The following CNBD1 variants were observed in gnomAD, a reference collection of about 807,000 sequenced individuals.
CNBD1 encodes cyclic nucleotide-binding domain-containing protein 1.
CNBD1 carries 71 observed loss-of-function variants against 54.4 expected under a neutral mutation model. That is an observed-to-expected ratio of 1.30 (90% CI 1.08 to 1.59). The LOEUF (loss-of-function observed/expected upper bound fraction) is 1.59, where lower values mean the gene tolerates loss of function less well. CNBD1 is among the 40% of genes most tolerant of loss of function. CNBD1 has a pLI of 0.00. For missense variants in CNBD1, 659 were observed against 518.0 expected (o/e 1.27, Z -2.64); for synonymous variants, 182 against 170.7 (o/e 1.07, Z -0.51).
chr8:87,092,125 A>G (rs888488100), intron 4 of CNBD1, among the ~76,000 whole-genome samples: 2 of 152,196 alleles, frequency 1.3e-5, no homozygotes, highest in Non-Finnish European at 2.9e-5. Flanking sequence ...AGAAATAGTC[A>G]GGATAGAAAT....
intron 4 of CNBD1, among the ~76,000 whole-genome samples, chr8:87,094,173 C>G (rs184268460): frequency 6.6e-6 from 1 of 152,252 alleles, no homozygotes; most frequent in Non-Finnish European, 1.5e-5. Flanking sequence ...AGCAAACAGA[C>G]TAAAGGCTTA....
At chr8:87,009,550 T>C (rs1260379387) in intron 4 of CNBD1, among the ~76,000 whole-genome samples, 1 of 152,082 alleles carries the variant, frequency 6.6e-6, no homozygotes, top group Non-Finnish European at 1.5e-5. Flanking sequence ...TCTGCCCACC[T>C]CAGCCTCTCA....
intron 4 of CNBD1, among the ~76,000 whole-genome samples, chr8:87,125,053 G>T (rs1388073393): frequency 6.6e-6 from 1 of 151,558 alleles, no homozygotes; most frequent in Non-Finnish European, 1.5e-5. Context: ...ATTTACAATA[G>T]CAACAAAAAT....
intron 10 of CNBD1, among the ~76,000 whole-genome samples, chr8:87,375,328 G>C (rs1277917432): frequency 6.6e-6 from 1 of 151,820 alleles, no homozygotes; most frequent in Admixed American, 6.6e-5. Context: ...TTAACACAGA[G>C]AGAGGTAAGT....
chr8:87,300,754 G>T (rs1808971706), intron 8 of CNBD1, among the ~76,000 whole-genome samples: 1 of 151,856 alleles, frequency 6.6e-6, no homozygotes, highest in Admixed American at 6.6e-5. Context: ...GGAGGGTGAA[G>T]GCCTCTTATT....
chr8:87,379,008 A>T (rs13268563), intron 10 of CNBD1, among the ~76,000 whole-genome samples: 44,253 of 141,772 alleles, frequency 0.31, 7,274 homozygotes, highest in Middle Eastern at 0.41. Flanking sequence ...TGATTTTGTA[A>T]ACTGAGACTT....
chr8:87,381,255 T>A (rs999689144), intron 10 of CNBD1, among the ~76,000 whole-genome samples: 5 of 152,024 alleles, frequency 3.3e-5, no homozygotes, highest in African/African-American at 1.2e-4. Context: ...AAAAAAGACA[T>A]ACAAATGGCC....
chr8:87,145,058 A>G (rs1812454804), intron 4 of CNBD1, among the ~76,000 whole-genome samples: 2 of 152,202 alleles, frequency 1.3e-5, no homozygotes, highest in Non-Finnish European at 2.9e-5. Context: ...ATTTGCAAAT[A>G]TAATGGGTGA....
intron 2 of CNBD1, among the ~76,000 whole-genome samples, chr8:87,402,504 G>T (rs1269202515): frequency 6.6e-6 from 1 of 151,986 alleles, no homozygotes; most frequent in Non-Finnish European, 1.5e-5. Context: ...TTTTGAATAG[G>T]TTTTCTTTTA....
intron 5 of CNBD1, among the ~76,000 whole-genome samples, chr8:87,225,532 T>A (rs1160024746): frequency 6.6e-6 from 1 of 151,088 alleles, no homozygotes; most frequent in Non-Finnish European, 1.5e-5. Flanking sequence ...GTTTATATGC[T>A]GGATTACATT....
chr8:87,342,040 G>A lies in CNBD1; in HGVS notation c.1043-9645G>A, dbSNP rs375222887. On this transcript the variant is annotated intron_variant, in intron 8 of 10. Coordinates refer to ENST00000518476, the MANE Select transcript of CNBD1 (RefSeq NM_173538.3). Reference sequence around the variant, plus strand: ...TGTAATCCTAGCACTTTGGGAGGCCGAGGCGGGCAGATCACAAGGTCAGGA... The same window carrying A: ...TGTAATCCTAGCACTTTGGGAGGCCAAGGCGGGCAGATCACAAGGTCAGGA... Among the ~76,000 whole-genome samples, 10 of 152,258 alleles carry A rather than the reference G, an allele frequency of 6.6e-5. No homozygotes were observed. The South Asian group carries it at 1.5e-3, about 22-fold the overall frequency.
chr8:87,055,909 TCC>T (rs1810407363), intron 4 of CNBD1, among the ~76,000 whole-genome samples: 1 of 142,288 alleles, frequency 7.0e-6, no homozygotes, highest in Admixed American at 7.1e-5. Context: ...CTTCCTTCCT[TCC>T]TTCCTTCCTT....
chr8:87,034,401 T>G (rs1809861790), intron 4 of CNBD1, among the ~76,000 whole-genome samples: 1 of 152,230 alleles, frequency 6.6e-6, no homozygotes, highest in Admixed American at 6.5e-5. Context: ...CCTGGTGTTT[T>G]AAGCTAATAC....
chr8:87,076,738 G>A (rs532630823), intron 4 of CNBD1, among the ~76,000 whole-genome samples: 7 of 144,258 alleles, frequency 4.9e-5, no homozygotes, highest in East Asian at 1.9e-4. Context: ...CACCACACCC[G>A]GCTGAACTAT....
intron 4 of CNBD1, among the ~76,000 whole-genome samples, chr8:87,057,088 A>G (rs1810431387): frequency 6.6e-6 from 1 of 152,164 alleles, no homozygotes; most frequent in African/African-American, 2.4e-5. Context: ...AAGACCATCC[A>G]CCTTGAAGTA....
chr8:86,961,669 A>G (rs1348182846), intron 4 of CNBD1, among the ~76,000 whole-genome samples: 1 of 152,216 alleles, frequency 6.6e-6, no homozygotes, highest in Non-Finnish European at 1.5e-5. Flanking sequence ...GGTAGGCACT[A>G]GTGCTGCTTT....
intron 4 of CNBD1, among the ~76,000 whole-genome samples, chr8:86,975,548 A>G (rs1453021531): frequency 6.6e-6 from 1 of 152,008 alleles, no homozygotes; most frequent in East Asian, 1.9e-4. Context: ...TGTTGTTATA[A>G]ATGACAGAAT....
chr8:86,910,096 G>A (rs941870567), intron 3 of CNBD1, among the ~76,000 whole-genome samples: 9 of 151,980 alleles, frequency 5.9e-5, no homozygotes, highest in African/African-American at 1.9e-4. Flanking sequence ...TTTTTAGATC[G>A]GATCATGAAT....
At chr8:87,108,516 T>C (rs1209317067) in intron 4 of CNBD1, among the ~76,000 whole-genome samples, 1 of 152,138 alleles carries the variant, frequency 6.6e-6, no homozygotes, top group African/African-American at 2.4e-5. Flanking sequence ...ATGCATTGTT[T>C]AAAAGCTTCA....
Sources: allele counts gnomAD v4.1 joint callset (sites outside exome capture counted in the v4.1 genomes callset), GRCh38; gene constraint gnomAD v4.1.1; transcripts MANE v1.5; gene names NCBI Gene and HGNC (gene_info 2026-07-23, HGNC 2026-07-21).